FMNL2: variants seen among roughly 807,000 people sequenced by gnomAD.
The protein encoded by FMNL2 is formin like 2, also known as formin-like protein 2.
Under a neutral mutation model 130.2 loss-of-function variants are expected in FMNL2, and 51 were observed. The ratio of observed to expected loss-of-function variants is 0.39; its 90% CI spans 0.31 to 0.49. The LOEUF (loss-of-function observed/expected upper bound fraction) is 0.49, where lower values mean the gene tolerates loss of function less well. Ranked by LOEUF, FMNL2 falls within the 20% of genes least tolerant of loss-of-function variation. The pLI is 0.85. For missense variants in FMNL2, 977 were observed against 1,316.2 expected (o/e 0.74, Z 3.99); for synonymous variants, 465 against 467.1 (o/e 1.00, Z 0.06).
chr2:152,401,969 G>C (rs371379478), intron 1 of FMNL2, among the ~76,000 whole-genome samples: 1 of 141,936 alleles, frequency 7.0e-6, no homozygotes, highest in Non-Finnish European at 1.5e-5. Context: ...GCAGTGGCGC[G>C]ATCTCAGCTC....
chr2:152,404,640 C>A (rs942612329), intron 1 of FMNL2, among the ~76,000 whole-genome samples: 1 of 152,066 alleles, frequency 6.6e-6, no homozygotes. Context: ...CCAGCAGAGT[C>A]CTAATCAAAA....
intron 10 of FMNL2, 166 bp downstream of exon 10, chr2:152,607,579 C>T: frequency 1.8e-6 from 1 of 560,114 alleles, no homozygotes. Context: ...CCCTCTTAAT[C>T]TGTATTTCTC....
chr2:152,642,811 C>A (rs1271263587), intron 25 of FMNL2, among the ~76,000 whole-genome samples: 1 of 152,150 alleles, frequency 6.6e-6, no homozygotes, highest in African/African-American at 2.4e-5. Context: ...ACTTCGAAAC[C>A]AGCCTGGCCA....
chr2:152,354,190 C>T (rs887882487), intron 1 of FMNL2, among the ~76,000 whole-genome samples: 14 of 152,190 alleles, frequency 9.2e-5, no homozygotes, highest in African/African-American at 3.1e-4. Flanking sequence ...GCTGTGACCA[C>T]TGAGCAGCTT....
At chr2:152,594,269 CCTCT>C (rs924838218) in intron 9 of FMNL2, among the ~76,000 whole-genome samples, 2 of 152,016 alleles carry the variant, frequency 1.3e-5, no homozygotes, top group South Asian at 2.1e-4. Context: ...CAAATAGTTC[CCTCT>C]AAGAAAGATT....
At chr2:152,401,382 A>G (rs547837873) in intron 1 of FMNL2, among the ~76,000 whole-genome samples, 3 of 152,340 alleles carry the variant, frequency 2.0e-5, no homozygotes, top group Non-Finnish European at 4.4e-5. Context: ...CAGGAGGCAT[A>G]CACAGTCCTA....
chr2:152,518,045 A>G (rs372617564), intron 1 of FMNL2, among the ~76,000 whole-genome samples: 2 of 152,344 alleles, frequency 1.3e-5, no homozygotes, highest in African/African-American at 2.4e-5. Context: ...AGATAGAGCC[A>G]ATATTTTCCT....
chr2:152,412,446 T>TTTTTA (rs1269957835), intron 1 of FMNL2, among the ~76,000 whole-genome samples: 1 of 103,252 alleles, frequency 9.7e-6, no homozygotes, highest in Non-Finnish European at 1.8e-5. Flanking sequence ...TCTGTATATT[T>TTTTTA]TATATATATA....
At chr2:152,346,801 G>T (rs1421042815) in intron 1 of FMNL2, among the ~76,000 whole-genome samples, 1 of 151,952 alleles carries the variant, frequency 6.6e-6, no homozygotes, top group Non-Finnish European at 1.5e-5. Flanking sequence ...GGCCAGGCAC[G>T]GTGGCTCAGA....
chr2:152,514,632 C>G (rs536304493), intron 1 of FMNL2, among the ~76,000 whole-genome samples: 1 of 152,080 alleles, frequency 6.6e-6, no homozygotes, highest in East Asian at 1.9e-4. Flanking sequence ...ATTGTTTTTC[C>G]TACATATACA....
intron 1 of FMNL2, among the ~76,000 whole-genome samples, chr2:152,442,387 G>A (rs775899131): frequency 6.6e-6 from 1 of 151,948 alleles, no homozygotes; most frequent in East Asian, 1.9e-4. Context: ...TAGTAGCTGG[G>A]ATTACAGGTG....
chr2:152,358,648 A>AG (rs1241525482), intron 1 of FMNL2, among the ~76,000 whole-genome samples: 1 of 151,438 alleles, frequency 6.6e-6, no homozygotes, highest in African/African-American at 2.5e-5. Flanking sequence ...AAAAAAAAAA[A>AG]AATTCTGTGA....
intron 9 of FMNL2, among the ~76,000 whole-genome samples, chr2:152,601,364 G>A (rs1226410491): frequency 1.4e-5 from 2 of 145,284 alleles, no homozygotes; most frequent in Admixed American, 7.1e-5. Context: ...GCAGTGGCAC[G>A]ATCTCGGCTA....
chr2:152,647,208 A>G (rs2105994997), intron 25 of FMNL2, among the ~76,000 whole-genome samples: 1 of 152,346 alleles, frequency 6.6e-6, no homozygotes, highest in East Asian at 1.9e-4. Context: ...GCAGAAAAGG[A>G]TGCCAGGGAA....
chr2:152,432,933 A>G (rs1687574637), intron 1 of FMNL2, among the ~76,000 whole-genome samples: 1 of 152,214 alleles, frequency 6.6e-6, no homozygotes. Flanking sequence ...AGAAGTTTTC[A>G]GGTTGCATGG....
chr2:152,637,504 C>T (rs953005194), intron 22 of FMNL2, 69 bp from the exon 23 acceptor site: 38 of 1,231,690 alleles, frequency 3.1e-5, no homozygotes, highest in African/African-American at 2.4e-4. Context: ...TTTGCATCAG[C>T]GTTCCCCCTA....
intron 10 of FMNL2, among the ~76,000 whole-genome samples, chr2:152,608,554 ATATG>A (rs1199440021): frequency 1.2e-4 from 18 of 148,630 alleles, no homozygotes; most frequent in Admixed American, 5.4e-4. Context: ...ATATACATAT[ATATG>A]TATATATATG....
At chr2:152,341,567 C>T (rs1681807899) in intron 1 of FMNL2, among the ~76,000 whole-genome samples, 1 of 152,188 alleles carries the variant, frequency 6.6e-6, no homozygotes, top group Non-Finnish European at 1.5e-5. Flanking sequence ...CCAACTTGGA[C>T]AAGTGAAACT....
chr2:152,412,450 A>G (rs1274120101), intron 1 of FMNL2, among the ~76,000 whole-genome samples: 1 of 6,034 alleles, frequency 1.7e-4, no homozygotes, highest in African/African-American at 5.5e-4. Flanking sequence ...TATATTTTAT[A>G]TATATATATA....
Sources: allele counts gnomAD v4.1 joint callset (sites outside exome capture counted in the v4.1 genomes callset), GRCh38; gene constraint gnomAD v4.1.1; transcripts MANE v1.5; gene names NCBI Gene and HGNC (gene_info 2026-07-23, HGNC 2026-07-21).